The following KANK1 variants were observed in gnomAD, a reference collection of about 807,000 sequenced individuals.
KANK1 encodes the protein KN motif and ankyrin repeat domain-containing protein 1.
Under a neutral mutation model 106.2 loss-of-function variants are expected in KANK1, and 109 were observed. The ratio of observed to expected loss-of-function variants is 1.03; its 90% CI spans 0.88 to 1.20. The LOEUF is 1.20. KANK1 is among the 50% of genes most tolerant of loss of function. The pLI, the probability that KANK1 is intolerant of heterozygous loss-of-function variation, is 0.00. For synonymous variants in KANK1, 873 were observed against 652.2 expected, an observed-to-expected ratio of 1.34 and a Z score of -5.16; for missense variants, 2,399 against 1,710.7, an observed-to-expected ratio of 1.40 and a Z score of -7.10.
intron 3 of KANK1, among the ~76,000 whole-genome samples, chr9:475,558 AG>A (rs904283215): frequency 1.3e-5 from 2 of 152,114 alleles, no homozygotes; most frequent in African/African-American, 4.8e-5. Context: ...ATTCCTATCT[AG>A]GGGGTCTGGG....
rs1416686230 is a variant in KANK1, at chr9:729,138, A to G, written c.2699-913A>G. Among the ~76,000 whole-genome samples, 3 of 152,334 alleles carry G rather than the reference A, an allele frequency of 2.0e-5. No homozygotes were observed. In the East Asian group the frequency reaches 5.8e-4, roughly 29 times the overall value. ...AATTACAAAATATTATTTAATCCAA[A>G]TTGCTTCGGTCAGTATACAGATTTT... On this transcript the variant is annotated intron_variant, in intron 3 of 11. Transcript: ENST00000382297.
upstream of KANK1, among the ~76,000 whole-genome samples, chr9:501,997 C>T (rs894497571): frequency 1.3e-5 from 2 of 152,188 alleles, no homozygotes; most frequent in Non-Finnish European, 2.9e-5. Context: ...ATTCTATCAT[C>T]AGTAAATGGT....
At chr9:619,783 C>G (rs1450149804) in intron 1 of KANK1, among the ~76,000 whole-genome samples, 2 of 152,052 alleles carry the variant, frequency 1.3e-5, no homozygotes, top group Non-Finnish European at 2.9e-5. Flanking sequence ...TTTTTAAATA[C>G]TTTAAACAGG....
intron 1 of KANK1, among the ~76,000 whole-genome samples, chr9:657,417 G>T (rs1842388472): frequency 6.6e-6 from 1 of 152,098 alleles, no homozygotes; most frequent in Non-Finnish European, 1.5e-5. Flanking sequence ...TCTCATGGTA[G>T]TTCTATTTCT....
intron 1 of KANK1, among the ~76,000 whole-genome samples, chr9:585,259 C>G (rs985770112): frequency 1.7e-4 from 26 of 152,324 alleles, no homozygotes; most frequent in African/African-American, 5.5e-4. Context: ...TCTTTGCCCG[C>G]TGTGCATCAT....
chr9:731,822 T>C (rs1220084210), intron 5 of KANK1: 1 of 154,636 alleles, frequency 6.5e-6, no homozygotes, highest in African/African-American at 2.4e-5. Flanking sequence ...TGTCCTACAA[T>C]TGAATCAAAT....
At chr9:667,066 A>T (rs1844800150) in intron 1 of KANK1, among the ~76,000 whole-genome samples, 1 of 151,144 alleles carries the variant, frequency 6.6e-6, no homozygotes, top group Non-Finnish European at 1.5e-5. Flanking sequence ...TAATAGAATT[A>T]ATCAGATCCT....
intron 1 of KANK1, among the ~76,000 whole-genome samples, chr9:633,129 A>G (rs1230051096): frequency 6.6e-6 from 1 of 152,138 alleles, no homozygotes; most frequent in African/African-American, 2.4e-5. Context: ...CATAAGAAGG[A>G]TATTTAATGA....
intron 1 of KANK1, among the ~76,000 whole-genome samples, chr9:578,364 A>G (rs1043298698): frequency 6.6e-6 from 1 of 151,804 alleles, no homozygotes; most frequent in African/African-American, 2.4e-5. Context: ...TGCCTTTGCT[A>G]AGCCATGGAG....
At chr9:513,188 C>G (rs2059112074) in intron 1 of KANK1, among the ~76,000 whole-genome samples, 2 of 151,956 alleles carry the variant, frequency 1.3e-5, no homozygotes, top group South Asian at 4.2e-4. Flanking sequence ...CTTTTAAACT[C>G]AGATACCTGT....
chr9:604,201 C>T (rs1405929592), intron 1 of KANK1, among the ~76,000 whole-genome samples: 4 of 151,546 alleles, frequency 2.6e-5, no homozygotes, highest in Admixed American at 1.3e-4. Context: ...TTCCTGGAGA[C>T]GTGGTAAACA....
At chr9:534,893 T>C (rs897243468) in intron 1 of KANK1, among the ~76,000 whole-genome samples, 5 of 152,166 alleles carry the variant, frequency 3.3e-5, no homozygotes, top group African/African-American at 1.2e-4. Flanking sequence ...TTAATTTGAG[T>C]TGTGTATTGT....
At chr9:519,485 T>C (rs1180466636) in intron 1 of KANK1, among the ~76,000 whole-genome samples, 1 of 151,832 alleles carries the variant, frequency 6.6e-6, no homozygotes, top group Non-Finnish European at 1.5e-5. Context: ...AGAGGTCTAG[T>C]GATTTTCATT....
intron 1 of KANK1, among the ~76,000 whole-genome samples, chr9:630,788 A>T (rs548599230): frequency 7.8e-4 from 119 of 152,104 alleles, no homozygotes; most frequent in Non-Finnish European, 1.6e-3. Flanking sequence ...CTGTAATCCC[A>T]GCTCCTTGGG....
intron 1 of KANK1, among the ~76,000 whole-genome samples, chr9:627,384 C>A (rs942137314): frequency 7.1e-6 from 1 of 141,520 alleles, no homozygotes; most frequent in African/African-American, 3.2e-5. Flanking sequence ...GCTTCTGCCC[C>A]CTCCTAGCCA....
chr9:729,997 C>G, intron 3 of KANK1, 54 bp from the exon 4 acceptor site: 1 of 1,475,256 alleles, frequency 6.8e-7, no homozygotes, highest in Non-Finnish European at 9.3e-7. Context: ...TTTGTTGAAG[C>G]CTGCTTTTTC....
At chr9:509,751 C>G (rs1047863193) in intron 1 of KANK1, among the ~76,000 whole-genome samples, 3 of 152,142 alleles carry the variant, frequency 2.0e-5, no homozygotes, top group African/African-American at 7.2e-5. Context: ...TGTTAAACTG[C>G]TGCCTGCAGA....
intron 7 of KANK1, among the ~76,000 whole-genome samples, chr9:737,988 A>G (rs1429138293): frequency 6.6e-6 from 1 of 152,186 alleles, no homozygotes; most frequent in Non-Finnish European, 1.5e-5. Context: ...TCGGGTCATA[A>G]AGCTTTTAGG....
intron 2 of KANK1, among the ~76,000 whole-genome samples, chr9:473,014 T>C (rs529024524): frequency 6.6e-6 from 1 of 152,320 alleles, no homozygotes; most frequent in African/African-American, 2.4e-5. Flanking sequence ...GACAAACGGG[T>C]ATAGTCATGG....
Sources: gnomAD v4.1 joint callset for allele counts (sites outside exome capture counted in the v4.1 genomes callset) on GRCh38, gnomAD v4.1.1 for gene constraint, MANE v1.5 for transcripts, NCBI Gene and HGNC (gene_info 2026-07-23, HGNC 2026-07-21) for gene names.